Variants in NTRK2 observed in about 807,000 individuals in gnomAD.
The protein encoded by NTRK2 is BDNF/NT-3 growth factors receptor.
In NTRK2, 13 loss-of-function variants were observed where a neutral mutation model predicts 94.5. The observed-to-expected ratio is 0.14, with a 90% CI of 0.09 to 0.22. The LOEUF (loss-of-function observed/expected upper bound fraction) is 0.22, where lower values mean the gene tolerates loss of function less well. NTRK2 is among the 10% of genes least tolerant of loss of function. NTRK2 has a pLI of 1.00. For synonymous variants in NTRK2, 372 were observed against 407.4 expected (o/e 0.91, Z 1.05); for missense variants, 639 against 1,071.2 (o/e 0.60, Z 5.63).
chr9:84,886,658 T>C (rs2076424377), intron 14 of NTRK2, among the ~76,000 whole-genome samples: 2 of 152,232 alleles, frequency 1.3e-5, no homozygotes, highest in Non-Finnish European at 1.5e-5. Flanking sequence ...CTTGAATATA[T>C]TGCATGAGAA....
chr9:84,984,597 G>T (rs1348567091), intron 17 of NTRK2, among the ~76,000 whole-genome samples: 3 of 152,226 alleles, frequency 2.0e-5, no homozygotes, highest in Non-Finnish European at 2.9e-5. Flanking sequence ...CGAATCCTCA[G>T]ATCAAGCCAA....
At chr9:84,918,188 C>A (rs1006125378) in intron 14 of NTRK2, among the ~76,000 whole-genome samples, 7 of 152,200 alleles carry the variant, frequency 4.6e-5, no homozygotes, top group Non-Finnish European at 1.5e-5. Flanking sequence ...CTTCACATAA[C>A]AGGTGCTGGA....
At chr9:84,923,724 T>C (rs2077643567) in intron 14 of NTRK2, among the ~76,000 whole-genome samples, 1 of 152,130 alleles carries the variant, frequency 6.6e-6, no homozygotes, top group Non-Finnish European at 1.5e-5. Context: ...GAGACCAGCC[T>C]GGCCAATATG....
At chr9:84,839,940 T>C (rs1434782193) in intron 12 of NTRK2, among the ~76,000 whole-genome samples, 1 of 152,124 alleles carries the variant, frequency 6.6e-6, no homozygotes, top group East Asian at 1.9e-4. Context: ...AAGCTCTACT[T>C]TCAGAAATAC....
intron 12 of NTRK2, among the ~76,000 whole-genome samples, chr9:84,785,901 T>A (rs377298209): frequency 6.6e-6 from 1 of 152,168 alleles, no homozygotes; most frequent in African/African-American, 2.4e-5. Flanking sequence ...GGTTCTTTCA[T>A]TCCCAGCCAA....
chr9:84,931,656 T>C (rs2078034239), intron 14 of NTRK2, among the ~76,000 whole-genome samples: 1 of 150,762 alleles, frequency 6.6e-6, no homozygotes, highest in Non-Finnish European at 1.5e-5. Context: ...AAAAACTTAT[T>C]TTCCACCAAA....
At chr9:84,793,635 TTGATGTGCAGCATACATG>T (rs2068960186) in intron 12 of NTRK2, among the ~76,000 whole-genome samples, 1 of 152,336 alleles carries the variant, frequency 6.6e-6, no homozygotes, top group East Asian at 1.9e-4. Context: ...TGGATTTGAT[TTGATGTGCAGCATACATG>T]TAGACTTACA....
intron 2 of NTRK2, among the ~76,000 whole-genome samples, chr9:84,695,866 G>T (rs920312792): frequency 1.3e-5 from 2 of 152,054 alleles, no homozygotes; most frequent in African/African-American, 4.8e-5. Flanking sequence ...ATATCCTGTG[G>T]CAGTGTCCAC....
intron 17 of NTRK2, among the ~76,000 whole-genome samples, chr9:84,955,947 G>A (rs7046974): frequency 0.092 from 13,986 of 152,190 alleles, 752 homozygotes; most frequent in African/African-American, 0.14. Context: ...TTGGGGGGAC[G>A]CAGGTCAGCC....
upstream of NTRK2, chr9:84,669,440 GCA>G (rs367733297): frequency 4.6e-5 from 7 of 152,216 alleles, no homozygotes; most frequent in Admixed American, 6.6e-5. This position sits in a 1 kb window ranked among gnomAD's most constrained non-coding sequence, Gnocchi z 4.1. Context: ...GGATGTAAAT[GCA>G]CACACACACA....
rs76873174 is a variant in NTRK2, at chr9:85,009,322, C to T, written c.2173-10884C>T. Among the ~76,000 whole-genome samples the T allele has an allele frequency of 5.7e-3, 869 of 152,328 alleles. 25 individuals carry two copies. The highest frequency in any genetic ancestry group is 0.039 in the East Asian group (202 of 5,184). ...TGGGCTAGTGCTCCAGGCACAGTCC[C>T]AGTTAATCCCCAGTCCCTCAACTGT... On this transcript the variant is annotated intron_variant, in intron 17 of 18. Transcript: ENST00000277120.
At position 84,724,280 on chromosome 9, in the gene NTRK2, C is replaced by G; in HGVS notation, c.777C>G (p.Asp259Glu). 1 of 1,614,112 alleles carries G rather than the reference C, an allele frequency of 6.2e-7. No individual in the cohort carries two copies. The highest frequency in any genetic ancestry group is 8.5e-7 in the Non-Finnish European group (1 of 1,179,958). Reference protein sequence around the residue: ...SLRITNISSDDSGKQISCVAE... With the variant: ...SLRITNISSDESGKQISCVAE... ...GGATAACTAACATTTCATCCGATGACAGTGGGAAGCAGATCTCTTGTGTGG... is the reference window on the plus strand; with the variant it reads ...GGATAACTAACATTTCATCCGATGAGAGTGGGAAGCAGATCTCTTGTGTGG... Residue 259 changes from aspartate to glutamate, a missense_variant, in exon 8 of 19, where the codon GAC (aspartate) becomes GAG (glutamate). Around this residue, in one of 5 missense-constraint regions of NTRK2, gnomAD observed 343 missense variants for 571.5 expected, o/e 0.60. Transcript: ENST00000277120.
intron 14 of NTRK2, among the ~76,000 whole-genome samples, chr9:84,932,489 T>TTTATTA (rs1174048845): frequency 6.6e-6 from 1 of 152,168 alleles, no homozygotes; most frequent in East Asian, 1.9e-4. Context: ...AGGTATCCAT[T>TTTATTA]TTATTATTAT....
intron 12 of NTRK2, among the ~76,000 whole-genome samples, chr9:84,826,852 TATC>T (rs2131625543): frequency 6.6e-6 from 1 of 152,350 alleles, no homozygotes; most frequent in South Asian, 2.1e-4. Context: ...GAAAGAGACA[TATC>T]ATATGGCTTT....
At chr9:85,008,975 T>G (rs1831278290) in intron 17 of NTRK2, among the ~76,000 whole-genome samples, 1 of 152,232 alleles carries the variant, frequency 6.6e-6, no homozygotes, top group South Asian at 2.1e-4. Context: ...GCTTATAGGT[T>G]TTATCCCTTT....
At chr9:84,884,484 T>C (rs1490578196) in intron 14 of NTRK2, among the ~76,000 whole-genome samples, 4 of 152,202 alleles carry the variant, frequency 2.6e-5, no homozygotes, top group Non-Finnish European at 5.9e-5. Context: ...AAAAAGAAGA[T>C]GGGAGATACA....
At chr9:84,763,534 A>G (rs1488310019) in intron 12 of NTRK2, among the ~76,000 whole-genome samples, 1 of 152,126 alleles carries the variant, frequency 6.6e-6, no homozygotes, top group Non-Finnish European at 1.5e-5. Context: ...AACAATGAAT[A>G]TTCATACACT....
chr9:84,751,966 C>T lies in NTRK2; in HGVS notation c.1297-20C>T, dbSNP rs932651499. 7.5e-6 allele frequency: 12 copies of T among 1,606,738 alleles called. No homozygotes were observed. The highest frequency in any genetic ancestry group is 1.0e-5 in the Non-Finnish European group (12 of 1,173,468). On this transcript the variant is annotated intron_variant, in intron 11 of 18. Transcript: ENST00000277120. Reference sequence around the variant, plus strand: ...GAACTAATTAGCAAGGTTATAACCACCCTCCCTTCCTTTCTCTAGGTCTAT... The same window carrying T: ...GAACTAATTAGCAAGGTTATAACCATCCTCCCTTCCTTTCTCTAGGTCTAT...
chr9:84,888,160 G>C (rs1370990037), intron 14 of NTRK2, among the ~76,000 whole-genome samples: 4 of 152,156 alleles, frequency 2.6e-5, no homozygotes, highest in Admixed American at 2.0e-4. Context: ...TCAGATGTTA[G>C]AGATGAGCAT....
Sources: allele counts gnomAD v4.1 joint callset (sites outside exome capture counted in the v4.1 genomes callset), GRCh38; gene constraint gnomAD v4.1.1; regional missense constraint gnomAD v4.1.1; non-coding constraint Gnocchi (gnomAD v3.1); transcripts MANE v1.5; gene names NCBI Gene and HGNC (gene_info 2026-07-23, HGNC 2026-07-21).